NAA11: variants seen among roughly 807,000 people sequenced by gnomAD.
The protein encoded by NAA11 is N-alpha-acetyltransferase 11.
In NAA11, 15 loss-of-function variants were observed where a neutral mutation model predicts 16.1. The observed-to-expected ratio is 0.93, with a 90% CI of 0.62 to 1.44. The LOEUF is 1.44. Ranked by LOEUF, NAA11 falls within the 40% of genes most tolerant of loss-of-function variation. NAA11 has a pLI of 0.00. For missense variants in NAA11, 298 were observed against 291.3 expected, an observed-to-expected ratio of 1.02 and a Z score of -0.17; for synonymous variants, 122 against 112.4, an observed-to-expected ratio of 1.09 and a Z score of -0.54.
intron 1 of NAA11, among the ~76,000 whole-genome samples, chr4:79,304,352 A>G (rs1210468759): frequency 1.3e-5 from 2 of 152,254 alleles, no homozygotes; most frequent in African/African-American, 4.8e-5. Context: ...ATTGCAAAAT[A>G]TATTCTTCAG....
chr4:79,320,969 C>A (rs1724072630), intron 1 of NAA11, among the ~76,000 whole-genome samples: 1 of 152,138 alleles, frequency 6.6e-6, no homozygotes, highest in Admixed American at 6.5e-5. Context: ...TGGTGAATCC[C>A]TATTAAATGG....
At chr4:79,172,969 C>T in the NAA11 span, among the ~76,000 whole-genome samples, 168 of 152,244 alleles carry the variant, frequency 1.1e-3, 1 homozygote, top group African/African-American at 3.6e-3. Flanking sequence ...ACTGCTGTCT[C>T]CTGACTCCAC....
the NAA11 span, among the ~76,000 whole-genome samples, chr4:79,202,653 G>C: frequency 4.5e-4 from 17 of 38,056 alleles, no homozygotes; most frequent in African/African-American, 8.6e-4. Flanking sequence ...ATATATATCT[G>C]TGTAATTGTT....
chr4:79,261,407 C>T (rs1039003916), intron 2 of NAA11, among the ~76,000 whole-genome samples: 3 of 152,066 alleles, frequency 2.0e-5, no homozygotes, highest in African/African-American at 4.8e-5. Context: ...CTGTAGTCAC[C>T]GTACTCTCCA....
the NAA11 span, among the ~76,000 whole-genome samples, chr4:79,160,642 C>T: frequency 4.6e-3 from 705 of 152,158 alleles, 29 homozygotes; most frequent in East Asian, 0.066. Context: ...TGGCTATTAG[C>T]TGTTGGTATA....
chr4:79,198,616 G>A, the NAA11 span, among the ~76,000 whole-genome samples: 1 of 151,928 alleles, frequency 6.6e-6, no homozygotes, highest in Non-Finnish European at 1.5e-5. Context: ...AAGGGAAAGA[G>A]GAGACAGTGT....
the NAA11 span, among the ~76,000 whole-genome samples, chr4:79,202,623 T>TTATACATATATATATATATATATA: frequency 1.9e-5 from 1 of 52,622 alleles, no homozygotes; most frequent in Admixed American, 2.4e-4. Flanking sequence ...ATATATAGTT[T>TTATACATATATATATATATATATA]TATATATATA....
At chr4:79,212,863 CT>C in the NAA11 span, among the ~76,000 whole-genome samples, 1 of 151,860 alleles carries the variant, frequency 6.6e-6, no homozygotes, top group African/African-American at 2.4e-5. Context: ...CACTAGTGGT[CT>C]TGGAACATAT....
chr4:79,310,671 G>A (rs1723747019), intron 1 of NAA11, among the ~76,000 whole-genome samples: 1 of 152,198 alleles, frequency 6.6e-6, no homozygotes, highest in Non-Finnish European at 1.5e-5. Flanking sequence ...AACAGGTAGA[G>A]TAAGAATGGT....
chr4:79,254,328 C>T (rs1722056257), intron 2 of NAA11, among the ~76,000 whole-genome samples: 1 of 152,188 alleles, frequency 6.6e-6, no homozygotes, highest in African/African-American at 2.4e-5. Context: ...CTTCCTGTTG[C>T]ATCCTCATGG....
intron 1 of NAA11, among the ~76,000 whole-genome samples, chr4:79,296,661 T>A (rs1374289229): frequency 6.6e-6 from 1 of 152,164 alleles, no homozygotes; most frequent in South Asian, 2.1e-4. Flanking sequence ...ATGGACCCCA[T>A]TACCTCTGAA....
chr4:79,206,134 A>G, the NAA11 span, among the ~76,000 whole-genome samples: 9 of 151,942 alleles, frequency 5.9e-5, no homozygotes, highest in Admixed American at 5.3e-4. Flanking sequence ...TGTTTTTTCT[A>G]ATTCTGGGAG....
At chr4:79,325,136 T>C in intron 1 of NAA11, 40 bp downstream of exon 1, 1 of 1,494,980 alleles carries the variant, frequency 6.7e-7, no homozygotes, top group Non-Finnish European at 9.0e-7. Flanking sequence ...GATGCAGGGA[T>C]TTAGGAGAAG....
the NAA11 span, among the ~76,000 whole-genome samples, chr4:79,164,678 A>C: frequency 6.6e-6 from 1 of 152,234 alleles, no homozygotes; most frequent in Non-Finnish European, 1.5e-5. Flanking sequence ...CCCTCGTGCC[A>C]GTCAGTCAGC....
intron 1 of NAA11, among the ~76,000 whole-genome samples, chr4:79,309,072 CTCTTT>C (rs898489255): frequency 2.6e-5 from 4 of 151,686 alleles, no homozygotes; most frequent in Non-Finnish European, 5.9e-5. Flanking sequence ...TAACTTAAAT[CTCTTT>C]TCTTAGGAAG....
At chr4:79,199,116 C>G in the NAA11 span, among the ~76,000 whole-genome samples, 5 of 151,740 alleles carry the variant, frequency 3.3e-5, no homozygotes. Flanking sequence ...TGTAGCTGGT[C>G]GCCAGAAAGA....
chr4:79,199,725 T>C, the NAA11 span, among the ~76,000 whole-genome samples: 1 of 151,904 alleles, frequency 6.6e-6, no homozygotes, highest in African/African-American at 2.4e-5. Context: ...TCAGTTGTTA[T>C]AATTAGAGTT....
chr4:79,197,831 C>G, the NAA11 span, among the ~76,000 whole-genome samples: 1 of 151,884 alleles, frequency 6.6e-6, no homozygotes, highest in South Asian at 2.1e-4. Flanking sequence ...GCACCTGACT[C>G]TTGCTGGGAG....
intron 2 of NAA11, among the ~76,000 whole-genome samples, chr4:79,272,018 A>G (rs1047439060): frequency 1.3e-5 from 2 of 151,962 alleles, no homozygotes; most frequent in Non-Finnish European, 1.5e-5. Context: ...ACACATATAT[A>G]TACACACACA....
Sources: allele counts gnomAD v4.1 joint callset (sites outside exome capture counted in the v4.1 genomes callset), GRCh38; gene constraint gnomAD v4.1.1; transcripts MANE v1.5; gene names NCBI Gene and HGNC (gene_info 2026-07-23, HGNC 2026-07-21).